Variants in SLC7A14 observed in about 807,000 individuals in gnomAD.
The protein encoded by SLC7A14 is gamma-aminobutyric acid transporter SLC7A14.
A neutral mutation model predicts 60.2 loss-of-function variants in SLC7A14; 37 were observed. That is an observed-to-expected ratio of 0.61 (90% CI 0.47 to 0.81). SLC7A14 has a LOEUF of 0.81. SLC7A14 is among the 30% of genes least tolerant of loss of function. The pLI, the probability that SLC7A14 is intolerant of heterozygous loss-of-function variation, is 0.00. For synonymous variants in SLC7A14, 399 were observed against 395.8 expected, an observed-to-expected ratio of 1.01 and a Z score of -0.10; for missense variants, 886 against 982.7, an observed-to-expected ratio of 0.90 and a Z score of 1.32.
chr3:170,513,629 G>T (rs774031997), intron 2 of SLC7A14, among the ~76,000 whole-genome samples: 25 of 152,200 alleles, frequency 1.6e-4, no homozygotes, highest in Non-Finnish European at 3.2e-4. Context: ...AAATGTCTAT[G>T]TTGCATGTTA....
Position 170,535,765 on chromosome 3 carries a change from G to A in SLC7A14, c.-152-8677C>T, listed in dbSNP as rs562800215. Among the ~76,000 whole-genome samples the A allele has an allele frequency of 1.7e-4, 26 of 152,328 alleles. No homozygotes were observed. The highest frequency in any genetic ancestry group is 5.3e-4 in the African/African-American group (22 of 41,578). On this transcript the variant is annotated intron_variant, in intron 1 of 7. Coordinates refer to ENST00000231706, the MANE Select transcript of SLC7A14 (RefSeq NM_020949.3). The surrounding 1 kb of genome is among the most constrained non-coding windows in gnomAD (Gnocchi z 4.3). ...CATAGCCCTAACTCTCTCTGGTTCT[G>A]ATAATTCTTTCTTTATCCCCCCTGT...
chr3:170,499,038 C>T (rs1199763087), intron 3 of SLC7A14, among the ~76,000 whole-genome samples, 154 bp from the exon 4 acceptor site: 2 of 151,658 alleles, frequency 1.3e-5, no homozygotes, highest in Non-Finnish European at 2.9e-5. Flanking sequence ...AGATTGAGAC[C>T]ATCCTGGCTA....
In SLC7A14 at chr3:170,501,194, A is replaced by C. The variant is rs1560260416; in HGVS notation, c.456T>G (p.Ser152Arg). The C allele has an allele frequency of 6.2e-7, 1 of 1,614,224 alleles. No individual in the cohort carries two copies. The highest frequency in any genetic ancestry group is 8.5e-7 in the Non-Finnish European group (1 of 1,180,048). Residue 152 changes from serine to arginine, a missense_variant, in exon 3 of 8, where the codon AGT becomes AGG. By Grantham distance (110) the Ser-to-Arg change is moderately radical. Coordinates refer to ENST00000231706, the MANE Select transcript of SLC7A14 (RefSeq NM_020949.3). ...GTGAGTCAAACATGCTGCTCAGAGC[A>C]CTGGCTCCGGCCGCAGTGCCAATCA... ...EYLIGTAAGA[S>R]ALSSMFDSLA... is the part of the protein sequence containing the mutation.
intron 4 of SLC7A14, chr3:170,496,454 TG>T: frequency 1.6e-6 from 2 of 1,275,818 alleles, no homozygotes; most frequent in Non-Finnish European, 2.3e-6. Flanking sequence ...CCGAGCAGCG[TG>T]GGGAGCTGGC....
At position 170,549,869 on chromosome 3, in the gene SLC7A14, T is replaced by G. The variant is rs1182730726; in HGVS notation, c.-152-22781A>C. ...AATGACAGTGAGGATGGAAAGCAAT[T>G]TAAACTCTTTACAAGTAAATCTTTA... On this transcript the variant is annotated intron_variant, in intron 1 of 7. Transcript: ENST00000231706. Among the ~76,000 whole-genome samples the G allele has an allele frequency of 2.6e-5, 4 of 152,310 alleles. No individual in the cohort carries two copies. The East Asian group carries it at 7.7e-4, about 29-fold the overall frequency.
chr3:170,466,157 C>T lies in SLC7A14; in HGVS notation c.*898G>A, dbSNP rs1235049366. The T allele has an allele frequency of 6.6e-6, 1 of 152,170 alleles. No individual in the cohort carries two copies. The highest frequency in any genetic ancestry group is 1.5e-5 in the Non-Finnish European group (1 of 68,038). The allele number at this position is 152,170 out of a possible 1,614,324, so 9.4% of individuals were successfully genotyped here. A position where few individuals can be genotyped will look rare whatever the true frequency, so the allele number is the denominator to read the frequency against. ...TTTGCAATGTGATCTCAGTGGCTGGCTCACTTCTCCTTGTAAAAATTTTTA... is the reference window on the plus strand; with the variant it reads ...TTTGCAATGTGATCTCAGTGGCTGGTTCACTTCTCCTTGTAAAAATTTTTA... On this transcript the variant is annotated 3_prime_UTR_variant, in exon 8 of 8. Transcript: ENST00000231706.
intron 7 of SLC7A14, chr3:170,476,650 T>C (rs919771138): frequency 2.6e-5 from 4 of 152,206 alleles, no homozygotes; most frequent in Non-Finnish European, 5.9e-5. Context: ...AATGAATCAT[T>C]TCAGATTTTT....
Position 170,480,966 on chromosome 3 carries a change from C to A in SLC7A14, c.1316G>T (p.Gly439Val), listed in dbSNP as rs771176593. ...CTCCTCAGACAAGAACTTGACAAAA[C>A]CATCAATGTCACTCTCAGGTTGGTA... The part of the protein sequence containing the change: ...LRYQPESDID[G>V]FVKFLSEEHT... The change falls in exon 7 of 8, where the codon GGT becomes GTT. Residue 439 changes from glycine to valine, a missense_variant. Gly to Val is a moderately radical substitution (Grantham distance 109, BLOSUM62 -3). Coordinates refer to ENST00000231706, the MANE Select transcript of SLC7A14 (RefSeq NM_020949.3). 6.2e-7 allele frequency: 1 copy of A among 1,614,042 alleles called. No individual in the cohort carries two copies. Among genetic ancestry groups the A allele is most frequent in the East Asian group, 2.2e-5 (1 of 44,872 alleles).
intron 2 of SLC7A14, 107 bp downstream of exon 2, chr3:170,526,526 T>C (rs1358875775): frequency 2.9e-6 from 4 of 1,380,614 alleles, no homozygotes; most frequent in Non-Finnish European, 3.9e-6. Flanking sequence ...TCCACTTTTC[T>C]GCCACTTCAT....
At chr3:170,488,177 C>T (rs1209843480) in intron 4 of SLC7A14, among the ~76,000 whole-genome samples, 3 of 152,164 alleles carry the variant, frequency 2.0e-5, no homozygotes, top group Admixed American at 6.5e-5. Context: ...CATAAGGGAT[C>T]CACAGGCTTC....
chr3:170,548,999 G>C (rs932992336), intron 1 of SLC7A14, among the ~76,000 whole-genome samples: 1 of 152,160 alleles, frequency 6.6e-6, no homozygotes, highest in Admixed American at 6.5e-5. Context: ...GGATCTGCTG[G>C]TAAGTAGGTG....
chr3:170,540,184 AGTT>A (rs1713977553), intron 1 of SLC7A14, among the ~76,000 whole-genome samples: 1 of 152,192 alleles, frequency 6.6e-6, no homozygotes, highest in African/African-American at 2.4e-5. Context: ...AAAACTTATG[AGTT>A]GTTTGTTTCT....
intron 2 of SLC7A14, among the ~76,000 whole-genome samples, chr3:170,525,882 C>A (rs1218181043): frequency 1.3e-5 from 2 of 152,132 alleles, no homozygotes; most frequent in African/African-American, 4.8e-5. Context: ...AGCAGCCTGG[C>A]CAACATGGTG....
Position 170,584,609 on chromosome 3 carries a change from CTA to C in SLC7A14, c.-153+1300_-153+1301del, listed in dbSNP as rs564215946. Among the ~76,000 whole-genome samples the C allele has an allele frequency of 2.7e-4, 41 of 152,316 alleles. 2 individuals are homozygous for C. The South Asian group carries it at 8.5e-3, about 32-fold the overall frequency. On this transcript the variant is annotated intron_variant, in intron 1 of 7. Coordinates refer to ENST00000231706, the MANE Select transcript of SLC7A14 (RefSeq NM_020949.3). ...CAAAGCCCCTTCTTCTCCTGTTTCT[CTA>C]GGTCGCTTGCTTAGAACCCTTTAGG...
intron 2 of SLC7A14, among the ~76,000 whole-genome samples, chr3:170,517,194 T>G (rs1195714083): frequency 6.6e-6 from 1 of 152,248 alleles, no homozygotes; most frequent in Admixed American, 6.5e-5. Flanking sequence ...ATTTATCATG[T>G]GCTTGCTAAA....
At chr3:170,526,039 T>G (rs1349838930) in intron 2 of SLC7A14, among the ~76,000 whole-genome samples, 1 of 151,430 alleles carries the variant, frequency 6.6e-6, no homozygotes, top group Non-Finnish European at 1.5e-5. Flanking sequence ...ATCGCGCTAT[T>G]GCACTCCAGT....
intron 1 of SLC7A14, among the ~76,000 whole-genome samples, chr3:170,584,765 C>A (rs1715334241): frequency 6.6e-6 from 1 of 152,170 alleles, no homozygotes; most frequent in East Asian, 1.9e-4. Context: ...GCTACCTTGC[C>A]CCCAGCGCTC....
intron 7 of SLC7A14, chr3:170,476,849 A>T (rs1711633460): frequency 6.6e-6 from 1 of 152,216 alleles, no homozygotes; most frequent in South Asian, 2.1e-4. Context: ...CTGTGATTTG[A>T]AGTTGGTGCT....
intron 2 of SLC7A14, among the ~76,000 whole-genome samples, chr3:170,519,605 G>A (rs1043929025): frequency 4.6e-5 from 7 of 152,104 alleles, no homozygotes; most frequent in Admixed American, 2.0e-4. Flanking sequence ...ATGAAACCCC[G>A]TCTCTACTAA....
Sources: gnomAD v4.1 joint callset for allele counts (sites outside exome capture counted in the v4.1 genomes callset) on GRCh38, gnomAD v4.1.1 for gene constraint, Gnocchi (gnomAD v3.1) non-coding constraint, MANE v1.5 for transcripts, NCBI Gene and HGNC (gene_info 2026-07-23, HGNC 2026-07-21) for gene names.